Variants in KAT6A observed in about 807,000 individuals in gnomAD.
KAT6A encodes lysine acetyltransferase 6A.
A neutral mutation model predicts 198.4 loss-of-function variants in KAT6A; 9 were observed. That is an observed-to-expected ratio of 0.05 (90% CI 0.03 to 0.08). The LOEUF (loss-of-function observed/expected upper bound fraction) is 0.08, where lower values mean the gene tolerates loss of function less well. Ranked by LOEUF, KAT6A falls within the 10% of genes least tolerant of loss-of-function variation. KAT6A has a pLI of 1.00. For missense variants in KAT6A, 2,077 were observed against 2,509.9 expected, an observed-to-expected ratio of 0.83 and a Z score of 3.69; for synonymous variants, 890 against 883.0, an observed-to-expected ratio of 1.01 and a Z score of -0.14.
intron 2 of KAT6A, among the ~76,000 whole-genome samples, chr8:42,009,677 T>C (rs1282328743): frequency 1.3e-5 from 2 of 150,208 alleles, no homozygotes; most frequent in Admixed American, 6.7e-5. Context: ...GGTGGGAGGG[T>C]TGCTTGAGCC....
chr8:42,051,735 G>A (rs1802671914), intron 1 of KAT6A, among the ~76,000 whole-genome samples, 166 bp downstream of exon 1: 2 of 145,596 alleles, frequency 1.4e-5, no homozygotes, highest in East Asian at 2.0e-4. Context: ...GGGCGGCCAC[G>A]GCGCCCCAGC....
chr8:42,017,584 G>A (rs930111488), intron 2 of KAT6A, among the ~76,000 whole-genome samples: 1 of 152,158 alleles, frequency 6.6e-6, no homozygotes, highest in Non-Finnish European at 1.5e-5. Flanking sequence ...TTTGCAGACA[G>A]AAATATATGT....
chr8:41,932,822 A>C lies in KAT6A; in HGVS notation c.5398T>G (p.Leu1800Val). 1 of 1,614,116 alleles carries C rather than the reference A, an allele frequency of 6.2e-7. No individual in the cohort carries two copies. The highest frequency in any genetic ancestry group is 8.5e-7 in the Non-Finnish European group (1 of 1,179,986). Reference protein sequence around the residue: ...GLAQLAPSHPLAGTPQAQATM... With the variant: ...GLAQLAPSHPVAGTPQAQATM... ...GCTTGTGCTTGAGGAGTCCCAGCTA[A>C]GGGATGAGATGGAGCCAGCTGAGCC... Residue 1800 changes from leucine (L) to valine (V), a missense_variant, in exon 17 of 17, where the codon TTA (leucine) becomes GTA (valine). Leu to Val is a conservative substitution (Grantham distance 32). This residue lies in a region of KAT6A where 500 missense variants were observed against 577.2 expected (regional missense o/e 0.87). Transcript: ENST00000265713.
intron 10 of KAT6A, among the ~76,000 whole-genome samples, chr8:41,948,956 T>A (rs1367322654): frequency 1.3e-5 from 2 of 152,206 alleles, no homozygotes; most frequent in Non-Finnish European, 2.9e-5. Context: ...CAGATCTCTG[T>A]GAGATATTCC....
intron 9 of KAT6A, among the ~76,000 whole-genome samples, chr8:41,952,618 C>CT (rs1406869686): frequency 6.6e-6 from 1 of 152,114 alleles, no homozygotes; most frequent in Non-Finnish European, 1.5e-5. Flanking sequence ...TTCTTGTGAT[C>CT]TTTGCATTTT....
chr8:41,949,565 T>C (rs989256918), intron 9 of KAT6A, among the ~76,000 whole-genome samples: 8 of 152,182 alleles, frequency 5.3e-5, no homozygotes, highest in Non-Finnish European at 8.8e-5. Context: ...ATTTAAGTAC[T>C]GAGATGAAAA....
intron 2 of KAT6A, among the ~76,000 whole-genome samples, chr8:41,995,896 G>A (rs1437698512): frequency 4.6e-5 from 7 of 151,856 alleles, no homozygotes; most frequent in Non-Finnish European, 7.4e-5. Flanking sequence ...GGCTGGTCTC[G>A]AACTCTTAAC....
Position 41,931,880 on chromosome 8 carries a change from T to C in KAT6A, c.*325A>G, listed in dbSNP as rs1172217427. 4.1e-6 allele frequency: 1 copy of C among 246,826 alleles called. No individual in the cohort carries two copies. Among genetic ancestry groups the C allele is most frequent in the African/African-American group, 2.2e-5 (1 of 45,662 alleles). The allele number at this position is 246,826 out of a possible 1,614,324, so 15.3% of individuals were successfully genotyped here. A position where few individuals can be genotyped will look rare whatever the true frequency, so the allele number is the denominator to read the frequency against. ...TAAAGATAATTCACTTTTACACAAATTCTGTCCATGTGGTATGTAAAGAAA... is the reference window on the plus strand; with the variant it reads ...TAAAGATAATTCACTTTTACACAAACTCTGTCCATGTGGTATGTAAAGAAA... On this transcript the variant is annotated 3_prime_UTR_variant, in exon 17 of 17. Transcript: ENST00000265713.
chr8:42,003,551 A>G (rs1825601144), intron 2 of KAT6A, among the ~76,000 whole-genome samples: 1 of 151,096 alleles, frequency 6.6e-6, no homozygotes, highest in Non-Finnish European at 1.5e-5. Flanking sequence ...GTTCTCCAGC[A>G]TCTGCTTTAT....
chr8:41,994,450 G>T (rs1257298901), intron 2 of KAT6A, among the ~76,000 whole-genome samples: 1 of 152,012 alleles, frequency 6.6e-6, no homozygotes, highest in African/African-American at 2.4e-5. Flanking sequence ...TTTCAAGGCA[G>T]TGGTTACAGG....
Position 41,933,716 on chromosome 8 carries a change from C to T in KAT6A, c.4504G>A (p.Val1502Met), listed in dbSNP as rs149043274. The change falls in exon 17 of 17, where the codon GTG (valine) becomes ATG (methionine). Residue 1502 changes from valine to methionine, a missense_variant. Coordinates refer to ENST00000265713, the MANE Select transcript of KAT6A (RefSeq NM_006766.5). This position sits in a 1 kb window ranked among gnomAD's most constrained non-coding sequence, Gnocchi z 6.2. ...QSVRSVSSPNVPALESGYTQI... is the reference protein window; with the variant it reads ...QSVRSVSSPNMPALESGYTQI... Reference sequence around the variant, plus strand: ...GTGTAGCCACTCTCAAGGGCAGGCACGTTGGGACTGCTGACCGAACGGACT... The same window carrying T: ...GTGTAGCCACTCTCAAGGGCAGGCATGTTGGGACTGCTGACCGAACGGACT... The T allele has an allele frequency of 5.8e-5, 94 of 1,613,938 alleles. No individual in the cohort carries two copies. The African/African-American group carries it at 6.1e-4, about 11-fold the overall frequency.
intron 3 of KAT6A, among the ~76,000 whole-genome samples, chr8:41,982,907 A>G (rs1824430122): frequency 6.6e-6 from 1 of 152,166 alleles, no homozygotes; most frequent in Admixed American, 6.5e-5. Flanking sequence ...CCATATACAG[A>G]GTTCGGTTTT....
intron 8 of KAT6A, among the ~76,000 whole-genome samples, chr8:41,973,314 C>T (rs1388099680): frequency 2.0e-5 from 3 of 151,956 alleles, no homozygotes; most frequent in Admixed American, 6.6e-5. Flanking sequence ...CAACCTCCAC[C>T]TCCCGGATTC....
chr8:41,939,547 C>G (rs1822004033), intron 15 of KAT6A, among the ~76,000 whole-genome samples: 1 of 152,030 alleles, frequency 6.6e-6, no homozygotes, highest in South Asian at 2.1e-4. Context: ...CCTATACATA[C>G]TGATAGATAT....
intron 2 of KAT6A, among the ~76,000 whole-genome samples, chr8:42,024,378 T>C (rs187225260): frequency 9.8e-5 from 15 of 152,362 alleles, no homozygotes; most frequent in Non-Finnish European, 1.3e-4. Context: ...GATACCTGCA[T>C]ACAATGCGTA....
Position 41,995,661 on chromosome 8 carries a change from C to G in KAT6A, c.601-8098G>C, listed in dbSNP as rs568431953. On this transcript the variant is annotated intron_variant, in intron 2 of 16. Transcript: ENST00000265713. ...TCTGAGATATTCCCATCTAAAAAGT[C>G]CAATTTTCATTTCTTTTTTTTTTTT... Among the ~76,000 whole-genome samples the G allele has an allele frequency of 2.7e-5, 4 of 148,378 alleles. No individual in the cohort carries two copies. The Admixed American group carries it at 2.7e-4, about 10-fold the overall frequency.
intron 2 of KAT6A, among the ~76,000 whole-genome samples, chr8:42,045,160 TAATTG>T (rs1180794596): frequency 6.6e-6 from 1 of 152,200 alleles, no homozygotes; most frequent in Non-Finnish European, 1.5e-5. Context: ...TCACCAACTC[TAATTG>T]AATAGATACT....
At chr8:41,955,820 A>C (rs895717144) in intron 8 of KAT6A, among the ~76,000 whole-genome samples, 6 of 152,226 alleles carry the variant, frequency 3.9e-5, no homozygotes, top group Admixed American at 2.0e-4. Flanking sequence ...GCCTCCGCTG[A>C]CAACAATGGA....
intron 2 of KAT6A, among the ~76,000 whole-genome samples, chr8:41,988,148 G>A (rs1415076934): frequency 6.6e-6 from 1 of 152,224 alleles, no homozygotes; most frequent in African/African-American, 2.4e-5. Context: ...GCTAACAAAT[G>A]TTAAGAGTGG....
Sources: allele counts gnomAD v4.1 joint callset (sites outside exome capture counted in the v4.1 genomes callset), GRCh38; gene constraint gnomAD v4.1.1; regional missense constraint gnomAD v4.1.1; non-coding constraint Gnocchi (gnomAD v3.1); transcripts MANE v1.5; gene names NCBI Gene and HGNC (gene_info 2026-07-23, HGNC 2026-07-21).